The following PYY variants were observed in gnomAD, a reference collection of about 807,000 sequenced individuals.
PYY encodes the protein peptide YY.
A neutral mutation model predicts 10.3 loss-of-function variants in PYY; 12 were observed. The observed-to-expected ratio is 1.17, with a 90% confidence interval of 0.75 to 1.89. The LOEUF is 1.89. Among genes scored for constraint, PYY ranks in the 40% most tolerant of loss-of-function variants. The pLI is 0.00. For missense variants in PYY, 141 were observed against 134.0 expected (o/e 1.05, Z -0.26); for synonymous variants, 66 against 62.0 (o/e 1.06, Z -0.30).
chr17:43,976,223 A>ATGTATACACATACG (rs1567932122), intron 1 of PYY, among the ~76,000 whole-genome samples: 5 of 142,830 alleles, frequency 3.5e-5, no homozygotes, highest in Non-Finnish European at 7.5e-5. Flanking sequence ...ATATGTATAC[A>ATGTATACACATACG]TATATACATA....
chr17:43,980,074 G>T (rs144879399), intron 1 of PYY, among the ~76,000 whole-genome samples: 34 of 151,662 alleles, frequency 2.2e-4, no homozygotes, highest in Non-Finnish European at 4.0e-4. Flanking sequence ...CTTCCCTGCT[G>T]AGGATAACCA....
Position 43,952,871 on chromosome 17 carries a change from C to T in PYY, c.*85G>A. 3 of 1,416,502 alleles carry T rather than the reference C, an allele frequency of 2.1e-6. No homozygotes were observed. The highest frequency in any genetic ancestry group is 2.8e-6 in the Non-Finnish European group (3 of 1,061,964). 87.7% of individuals were successfully genotyped at this position (1,416,502 alleles called of 1,614,324 possible). On this transcript the variant is annotated 3_prime_UTR_variant, in exon 4 of 4. Coordinates refer to ENST00000692052, the MANE Select transcript of PYY (RefSeq NM_001394028.1). The stretch of plus-strand genomic sequence containing the variant: ...CTGCCCAGACGCCGCCGTCGGGAGG[C>T]AGAATCCGGGTTTCTGGGGTCGGGA...
chr17:44,000,664 T>G (rs1480091602), intron 1 of PYY, among the ~76,000 whole-genome samples: 1 of 151,674 alleles, frequency 6.6e-6, no homozygotes, highest in Non-Finnish European at 1.5e-5. Flanking sequence ...CCTCCCAGGT[T>G]CAGCCTCCCG....
At chr17:43,989,045 A>G (rs948151844) in intron 1 of PYY, among the ~76,000 whole-genome samples, 1 of 132,464 alleles carries the variant, frequency 7.5e-6, no homozygotes, top group Non-Finnish European at 1.6e-5. Flanking sequence ...TACAAGTGTG[A>G]GCCACCGCAC....
intron 1 of PYY, among the ~76,000 whole-genome samples, chr17:44,003,763 G>C (rs1243959424): frequency 6.6e-6 from 1 of 151,448 alleles, no homozygotes; most frequent in African/African-American, 2.4e-5. Flanking sequence ...TGGGAGGACT[G>C]CTTGAGCTCA....
At chr17:43,973,730 G>T (rs2048810860) in intron 1 of PYY, among the ~76,000 whole-genome samples, 1 of 152,250 alleles carries the variant, frequency 6.6e-6, no homozygotes, top group African/African-American at 2.4e-5. Flanking sequence ...GGAAGGCAGA[G>T]ATTGCAGTGA....
chr17:43,995,746 A>T (rs530668137), intron 1 of PYY, among the ~76,000 whole-genome samples: 28 of 145,028 alleles, frequency 1.9e-4, no homozygotes, highest in Admixed American at 1.6e-3. Context: ...AGGCAAGAGG[A>T]TTGCTTGAAC....
chr17:43,960,553 A>AAC (rs1555616838), intron 2 of PYY, among the ~76,000 whole-genome samples: 1 of 147,318 alleles, frequency 6.8e-6, no homozygotes, highest in Admixed American at 6.9e-5. Context: ...AAAAAAAAAA[A>AAC]AACAATATTC....
chr17:43,957,534 T>A (rs1215220984), upstream of PYY, among the ~76,000 whole-genome samples: 5 of 151,894 alleles, frequency 3.3e-5, no homozygotes, highest in Non-Finnish European at 7.4e-5. Context: ...GGCGGGCGCC[T>A]GTAATCCAGC....
chr17:43,984,722 G>C (rs756874717), intron 1 of PYY, among the ~76,000 whole-genome samples: 3 of 152,202 alleles, frequency 2.0e-5, no homozygotes, highest in Non-Finnish European at 4.4e-5. Flanking sequence ...CCCATACCAG[G>C]CAGTCCTCTG....
chr17:43,970,731 G>A (rs1254809192), intron 1 of PYY, among the ~76,000 whole-genome samples: 2 of 152,216 alleles, frequency 1.3e-5, no homozygotes, highest in Admixed American at 1.3e-4. Context: ...CTATCCCTGT[G>A]TGGTCAGGCC....
upstream of PYY, among the ~76,000 whole-genome samples, chr17:43,956,418 A>ACC (rs3080280): frequency 0.13 from 19,221 of 150,322 alleles, 2,259 homozygotes; most frequent in East Asian, 0.67. Context: ...GGGCTCAGCC[A>ACC]CCCCCCGATC....
At chr17:43,986,373 A>G (rs1407830668) in intron 1 of PYY, among the ~76,000 whole-genome samples, 1 of 152,134 alleles carries the variant, frequency 6.6e-6, no homozygotes, top group Admixed American at 6.5e-5. Context: ...TGTGCCTGAG[A>G]GGTCAATGCC....
At chr17:43,965,789 C>CAAAAAAAAAAA (rs67609128) in intron 2 of PYY, among the ~76,000 whole-genome samples, 20 of 31,930 alleles carry the variant, frequency 6.3e-4, no homozygotes, top group East Asian at 1.6e-3. Flanking sequence ...ATCCATCTCA[C>CAAAAAAAAAAA]AAAAAAAAAA....
At chr17:43,962,832 C>A (rs2048721956) in intron 2 of PYY, among the ~76,000 whole-genome samples, 2 of 152,174 alleles carry the variant, frequency 1.3e-5, no homozygotes, top group South Asian at 4.1e-4. Context: ...GCAAGGGCAC[C>A]AATGCCCTCG....
chr17:43,981,392 T>C (rs916376270), intron 1 of PYY, among the ~76,000 whole-genome samples: 1 of 152,210 alleles, frequency 6.6e-6, no homozygotes, highest in East Asian at 1.9e-4. Flanking sequence ...ATGTTTGTCT[T>C]TTCATTTTAG....
chr17:43,956,244 C>T (rs2048671020), upstream of PYY, among the ~76,000 whole-genome samples: 1 of 152,086 alleles, frequency 6.6e-6, no homozygotes, highest in African/African-American at 2.4e-5. Context: ...GACCAGGAGC[C>T]AGCCGCACAT....
rs2048953591 is a variant in PYY at position 43,991,018 on chromosome 17, C to A, written c.-463+13373G>T. ...CACCATGGTCTCGAACTCCTCACCT[C>A]ATGATCCGCCCGCCTCGGCCTCCCA... On this transcript the variant is annotated intron_variant, in intron 1 of 6. Transcript: ENST00000360085. 2.0e-5 allele frequency among the ~76,000 whole-genome samples: 3 copies of A among 151,916 alleles called. No individual in the cohort carries two copies. The South Asian group carries it at 6.2e-4, about 32-fold the overall frequency.
intron 1 of PYY, among the ~76,000 whole-genome samples, chr17:43,986,926 G>GATTA (rs1218080362): frequency 5.3e-5 from 8 of 152,166 alleles, no homozygotes; most frequent in African/African-American, 1.9e-4. Flanking sequence ...ATCCTATGAG[G>GATTA]TTCACATTAT....
Sources: allele counts gnomAD v4.1 joint callset (sites outside exome capture counted in the v4.1 genomes callset), GRCh38; gene constraint gnomAD v4.1.1; transcripts MANE v1.5; gene names NCBI Gene and HGNC (gene_info 2026-07-23, HGNC 2026-07-21).